FGGY: variants seen among roughly 807,000 people sequenced by gnomAD.
The protein encoded by FGGY is FGGY carbohydrate kinase domain containing.
Under a neutral mutation model 71.3 loss-of-function variants are expected in FGGY, and 72 were observed. The ratio of observed to expected loss-of-function variants is 1.01; its 90% CI spans 0.84 to 1.23. FGGY has a LOEUF of 1.23. Ranked by LOEUF, FGGY falls within the 50% of genes most tolerant of loss-of-function variation. FGGY has a pLI of 0.00. For synonymous variants in FGGY, 251 were observed against 250.3 expected (o/e 1.00, Z -0.02); for missense variants, 668 against 682.3 (o/e 0.98, Z 0.23).
At chr1:59,409,420 C>A (rs2063248112) in intron 5 of FGGY, among the ~76,000 whole-genome samples, 1 of 152,084 alleles carries the variant, frequency 6.6e-6, no homozygotes, top group African/African-American at 2.4e-5. Flanking sequence ...GAATGTTCAG[C>A]CATTATTCAA....
intron 13 of FGGY, among the ~76,000 whole-genome samples, chr1:59,668,788 G>A (rs1440734652): frequency 6.6e-6 from 1 of 151,736 alleles, no homozygotes; most frequent in Non-Finnish European, 1.5e-5. Context: ...TTCGAGACCA[G>A]CCTGACCAAT....
chr1:59,756,048 A>G (rs1292541920), intron 14 of FGGY: 1 of 152,234 alleles, frequency 6.6e-6, no homozygotes, highest in Non-Finnish European at 1.5e-5. Flanking sequence ...TCGTCTTTGA[A>G]GGAAACTGTT....
chr1:59,597,337 T>C (rs1483098809), intron 8 of FGGY, among the ~76,000 whole-genome samples: 1 of 152,210 alleles, frequency 6.6e-6, no homozygotes, highest in African/African-American at 2.4e-5. Flanking sequence ...TTATACAATA[T>C]GCGGTAAACA....
chr1:59,570,216 A>G (rs1319040025), intron 8 of FGGY, among the ~76,000 whole-genome samples: 1 of 152,190 alleles, frequency 6.6e-6, no homozygotes, highest in Non-Finnish European at 1.5e-5. Context: ...GGTGATTCTA[A>G]TGGAAAACTT....
intron 4 of FGGY, among the ~76,000 whole-genome samples, chr1:59,372,737 A>T (rs534980345): frequency 6.6e-6 from 1 of 152,204 alleles, no homozygotes; most frequent in Non-Finnish European, 1.5e-5. Context: ...CATCCCTGGG[A>T]TGTAAGGCTG....
At chr1:59,658,066 C>CT (rs1298562866) in intron 11 of FGGY, among the ~76,000 whole-genome samples, 1 of 152,128 alleles carries the variant, frequency 6.6e-6, no homozygotes, top group African/African-American at 2.4e-5. Context: ...GTTCACAGTG[C>CT]TGAGTGAATT....
chr1:59,607,717 C>T, intron 8 of FGGY, 86 bp from the exon 9 acceptor site: 2 of 1,025,248 alleles, frequency 2.0e-6, no homozygotes, highest in Non-Finnish European at 1.5e-6. Flanking sequence ...AAGCTGAATT[C>T]CATGGTCATA....
intron 5 of FGGY, among the ~76,000 whole-genome samples, chr1:59,445,578 C>T (rs899973649): frequency 6.6e-6 from 1 of 152,214 alleles, no homozygotes; most frequent in Non-Finnish European, 1.5e-5. Flanking sequence ...GAGAGAACAT[C>T]TCATTGTTGT....
At chr1:59,715,470 A>T (rs2097838974) in intron 14 of FGGY, among the ~76,000 whole-genome samples, 1 of 152,228 alleles carries the variant, frequency 6.6e-6, no homozygotes, top group Admixed American at 6.5e-5. Context: ...CAAGTCCCGA[A>T]ACACTTGGTT....
intron 11 of FGGY, among the ~76,000 whole-genome samples, chr1:59,645,320 G>T (rs1288468527): frequency 6.6e-6 from 1 of 152,170 alleles, no homozygotes; most frequent in Non-Finnish European, 1.5e-5. Context: ...GGCAGCTCCT[G>T]CTTGGTGGCC....
At chr1:59,539,545 G>C (rs531956046) in intron 7 of FGGY, among the ~76,000 whole-genome samples, 1 of 152,218 alleles carries the variant, frequency 6.6e-6, no homozygotes, top group Non-Finnish European at 1.5e-5. Flanking sequence ...CTGCCGATTG[G>C]TTATCACTAT....
chr1:59,700,140 T>G (rs1001235730), intron 14 of FGGY, among the ~76,000 whole-genome samples: 1 of 152,240 alleles, frequency 6.6e-6, no homozygotes, highest in Non-Finnish European at 1.5e-5. Context: ...AAAACTGTTT[T>G]TGTACTACAT....
At chr1:59,437,187 T>C (rs1484541090) in intron 5 of FGGY, among the ~76,000 whole-genome samples, 2 of 152,244 alleles carry the variant, frequency 1.3e-5, no homozygotes, top group Admixed American at 1.3e-4. Context: ...TGAGGAGCCC[T>C]GTGCTTTAAT....
At chr1:59,414,975 A>G (rs182371355) in intron 5 of FGGY, among the ~76,000 whole-genome samples, 125 of 152,304 alleles carry the variant, frequency 8.2e-4, no homozygotes, top group Non-Finnish European at 1.3e-3. Flanking sequence ...ACATCTGGGC[A>G]TTCTTTCTGT....
chr1:59,346,192 G>T (rs1570725428), intron 3 of FGGY, 55 bp from the exon 4 acceptor site: 3 of 1,599,168 alleles, frequency 1.9e-6, no homozygotes, highest in East Asian at 2.2e-5. Context: ...TTGTTCCCTT[G>T]AATTAGAAGG....
At chr1:59,718,517 T>C (rs1180445614) in intron 14 of FGGY, among the ~76,000 whole-genome samples, 1 of 152,186 alleles carries the variant, frequency 6.6e-6, no homozygotes, top group Non-Finnish European at 1.5e-5. Context: ...CAAATGTTTG[T>C]TAAACACAAC....
intron 5 of FGGY, among the ~76,000 whole-genome samples, chr1:59,388,211 A>C (rs1191970367): frequency 1.3e-5 from 2 of 152,152 alleles, no homozygotes; most frequent in South Asian, 2.1e-4. Context: ...TAGCAATATG[A>C]ATCCAGACCT....
chr1:59,360,060 C>G (rs1276293773), intron 4 of FGGY, among the ~76,000 whole-genome samples: 1 of 151,968 alleles, frequency 6.6e-6, no homozygotes, highest in Non-Finnish European at 1.5e-5. Flanking sequence ...AATACAGTCT[C>G]TCTCTCATTT....
intron 14 of FGGY, among the ~76,000 whole-genome samples, chr1:59,674,379 C>T (rs2097415500): frequency 6.6e-6 from 1 of 151,946 alleles, no homozygotes; most frequent in African/African-American, 2.4e-5. Context: ...TTTAAAATAC[C>T]TTTTAAATTA....
Sources: gnomAD v4.1 joint callset for allele counts (sites outside exome capture counted in the v4.1 genomes callset) on GRCh38, gnomAD v4.1.1 for gene constraint, MANE v1.5 for transcripts, NCBI Gene and HGNC (gene_info 2026-07-23, HGNC 2026-07-21) for gene names.